DNM3: variants seen among roughly 807,000 people sequenced by gnomAD.
The protein encoded by DNM3 is dynamin 3, also known as dynamin-3.
Under a neutral mutation model 101.6 loss-of-function variants are expected in DNM3, and 47 were observed. The observed-to-expected ratio is 0.46, with a 90% CI of 0.37 to 0.59. The LOEUF is 0.59. Among genes scored for constraint, DNM3 ranks in the 20% least tolerant of loss-of-function variants. The pLI is 0.00. For synonymous variants in DNM3, 385 were observed against 387.9 expected, an observed-to-expected ratio of 0.99 and a Z score of 0.09; for missense variants, 849 against 1,085.7, an observed-to-expected ratio of 0.78 and a Z score of 3.06.
Position 172,408,258 on chromosome 1 carries a change from TGACAGTAA to T in DNM3, c.*418_*425del. On this transcript the variant is annotated 3_prime_UTR_variant, in exon 21 of 21. Coordinates refer to ENST00000627582, the MANE Select transcript of DNM3 (RefSeq NM_015569.5). ...TTCTTTTCCCACATTCTGTTTAGGA[TGACAGTAA>T]TTCTGTTGTCTACCATTAATGCTAC... The T allele has an allele frequency of 1.0e-6, 1 of 995,840 alleles. No individual in the cohort carries two copies. Among genetic ancestry groups the T allele is most frequent in the South Asian group, 4.5e-5 (1 of 22,052 alleles). 61.7% of individuals were successfully genotyped at this position (995,840 alleles called of 1,614,324 possible). A position where few individuals can be genotyped will look rare whatever the true frequency, so the allele number is the denominator to read the frequency against.
At chr1:172,048,463 CA>C (rs1189813674) in intron 9 of DNM3, 148 bp from the exon 10 acceptor site, 1 of 803,580 alleles carries the variant, frequency 1.2e-6, no homozygotes, top group Non-Finnish European at 1.8e-6. Flanking sequence ...TGATGTGCCA[CA>C]TAAACATTTT....
chr1:171,977,119 A>G (rs377320891), intron 2 of DNM3, among the ~76,000 whole-genome samples: 2 of 152,218 alleles, frequency 1.3e-5, no homozygotes, highest in Non-Finnish European at 2.9e-5. Flanking sequence ...TTCTTAAAAA[A>G]CATTGGAATA....
chr1:172,038,422 A>G lies in DNM3; in HGVS notation c.953A>G (p.Lys318Arg). ...EHEVEAYKNFKPEDPTRKTKA... is the reference protein window; with the variant it reads ...EHEVEAYKNFRPEDPTRKTKA... ...GAAGTAGAAGCCTACAAAAATTTCA[A>G]ACCAGAAGACCCAACAAGGAAGACC... is the stretch of plus-strand genomic sequence containing the variant. The change falls in exon 7 of 21, where the codon AAA (lysine) becomes AGA (arginine). Residue 318 changes from lysine to arginine, a missense_variant. Lys to Arg is a conservative substitution (Grantham distance 26). Around this residue, in one of 5 missense-constraint regions of DNM3, gnomAD observed 388 missense variants for 483.0 expected, o/e 0.80. Transcript: ENST00000627582. The G allele has an allele frequency of 1.2e-6, 2 of 1,613,440 alleles. No homozygotes were observed. Among genetic ancestry groups the G allele is most frequent in the East Asian group, 2.2e-5 (1 of 44,868 alleles).
chr1:172,262,022 T>C (rs2062675217), intron 15 of DNM3, among the ~76,000 whole-genome samples: 2 of 152,144 alleles, frequency 1.3e-5, no homozygotes, highest in African/African-American at 2.4e-5. Flanking sequence ...TCAGTGGTAC[T>C]GGCTATGGTA....
chr1:172,068,220 C>T (rs374655553), intron 10 of DNM3, among the ~76,000 whole-genome samples: 2 of 151,888 alleles, frequency 1.3e-5, no homozygotes, highest in African/African-American at 2.4e-5. Flanking sequence ...CCCAGCTACT[C>T]GGGAGGCTGA....
chr1:171,961,135 G>A (rs1343424907), intron 2 of DNM3, among the ~76,000 whole-genome samples: 1 of 152,136 alleles, frequency 6.6e-6, no homozygotes, highest in Non-Finnish European at 1.5e-5. Flanking sequence ...TTTACAGCAG[G>A]AAAAGTGGCT....
At chr1:171,908,710 T>C (rs2039036222) in intron 1 of DNM3, among the ~76,000 whole-genome samples, 1 of 152,222 alleles carries the variant, frequency 6.6e-6, no homozygotes, top group Admixed American at 6.5e-5. Context: ...ATTTGTTTAT[T>C]AGTATCTTAA....
chr1:172,217,387 C>T (rs1362342913), intron 14 of DNM3, among the ~76,000 whole-genome samples: 1 of 152,108 alleles, frequency 6.6e-6, no homozygotes, highest in Non-Finnish European at 1.5e-5. Flanking sequence ...GGCCTGCCAA[C>T]CAATTGTGTT....
intron 4 of DNM3, among the ~76,000 whole-genome samples, chr1:172,030,865 C>A (rs541291463): frequency 2.6e-5 from 4 of 152,212 alleles, no homozygotes; most frequent in African/African-American, 4.8e-5. Flanking sequence ...CCATCTCATG[C>A]CAGTTAGAAT....
chr1:172,266,040 C>T (rs1221811541), intron 15 of DNM3, among the ~76,000 whole-genome samples: 1 of 152,146 alleles, frequency 6.6e-6, no homozygotes, highest in Non-Finnish European at 1.5e-5. Context: ...ACTTAGTTCC[C>T]AGCATATTGC....
intron 13 of DNM3, among the ~76,000 whole-genome samples, chr1:172,095,590 G>T (rs1194774521): frequency 4.6e-5 from 7 of 152,146 alleles, no homozygotes; most frequent in Non-Finnish European, 1.0e-4. Flanking sequence ...CTCAAATCCA[G>T]GGAGTTTTGG....
At chr1:172,165,192 G>A (rs2058701442) in intron 14 of DNM3, among the ~76,000 whole-genome samples, 1 of 152,004 alleles carries the variant, frequency 6.6e-6, no homozygotes, top group Admixed American at 6.6e-5. Context: ...TGGGTGAAGT[G>A]TAAATGGAAA....
intron 4 of DNM3, among the ~76,000 whole-genome samples, chr1:171,998,280 A>G (rs2046135447): frequency 6.6e-6 from 1 of 152,194 alleles, no homozygotes; most frequent in Non-Finnish European, 1.5e-5. Context: ...TGTTAAAGTT[A>G]CACTGTGGTT....
At chr1:172,321,584 G>A (rs1268883456) in intron 16 of DNM3, among the ~76,000 whole-genome samples, 4 of 152,080 alleles carry the variant, frequency 2.6e-5, no homozygotes, top group Admixed American at 2.0e-4. Flanking sequence ...GCCACACCAC[G>A]TCCTCCGCTT....
intron 8 of DNM3, among the ~76,000 whole-genome samples, chr1:172,042,757 CAT>C (rs1418548794): frequency 6.6e-6 from 1 of 152,028 alleles, no homozygotes; most frequent in Non-Finnish European, 1.5e-5. Context: ...AGGAGAGGGG[CAT>C]GAAGTGAATT....
At position 172,097,566 on chromosome 1, in the gene DNM3, A is replaced by G. The variant is rs2054329949; in HGVS notation, c.1545+4691A>G. ...ATCCGAAGCCGTGGGAGTACATGAG[A>G]CCACCTCCAAAGGATGAGAACATAG... On this transcript the variant is annotated intron_variant, in intron 13 of 20. Coordinates refer to ENST00000627582, the MANE Select transcript of DNM3 (RefSeq NM_015569.5). 2.0e-5 allele frequency among the ~76,000 whole-genome samples: 3 copies of G among 152,120 alleles called. No individual in the cohort carries two copies. The South Asian group carries it at 6.2e-4, about 32-fold the overall frequency.
chr1:172,114,842 A>T (rs1460214187), intron 13 of DNM3, among the ~76,000 whole-genome samples: 1 of 152,128 alleles, frequency 6.6e-6, no homozygotes, highest in Non-Finnish European at 1.5e-5. Flanking sequence ...AGTATGCATA[A>T]GTTTTATGCC....
intron 17 of DNM3, among the ~76,000 whole-genome samples, chr1:172,365,074 G>A (rs182134854): frequency 4.2e-4 from 64 of 151,844 alleles, no homozygotes; most frequent in Middle Eastern, 6.8e-3. Context: ...GACTTATTTC[G>A]ATTCAAACTC....
At chr1:172,204,634 A>G (rs2148498109) in intron 14 of DNM3, among the ~76,000 whole-genome samples, 2 of 152,260 alleles carry the variant, frequency 1.3e-5, no homozygotes, top group Middle Eastern at 6.8e-3. Flanking sequence ...CCCAAACTAC[A>G]CGTCCTCAGA....
Sources: gnomAD v4.1 joint callset for allele counts (sites outside exome capture counted in the v4.1 genomes callset) on GRCh38, gnomAD v4.1.1 for gene constraint, gnomAD v4.1.1 regional missense constraint, MANE v1.5 for transcripts, NCBI Gene and HGNC (gene_info 2026-07-23, HGNC 2026-07-21) for gene names.